The following ADAMTSL1 variants were observed in gnomAD, a reference collection of about 807,000 sequenced individuals.
The protein encoded by ADAMTSL1 is ADAMTS like 1.
ADAMTSL1 carries 126 observed loss-of-function variants against 201.8 expected under a neutral mutation model. That is an observed-to-expected ratio of 0.62 (90% CI 0.54 to 0.72). The LOEUF is 0.72. ADAMTSL1 is among the 30% of genes least tolerant of loss of function. The probability of loss-of-function intolerance (pLI) is 0.00; values close to 1 mark genes in which losing one functional copy is unlikely to be tolerated. For synonymous variants in ADAMTSL1, 1,121 were observed against 903.4 expected (o/e 1.24, Z -4.32); for missense variants, 2,679 against 2,277.8 (o/e 1.18, Z -3.59).
rs557574451 is a variant in ADAMTSL1, at chr9:18,731,579, C to T, written c.2006+9914C>T. Among the ~76,000 whole-genome samples, 102 of 151,888 alleles carry T rather than the reference C, an allele frequency of 6.7e-4. 1 individual carries two copies. The highest frequency in any genetic ancestry group is 2.3e-3 in the African/African-American group (96 of 41,414). Reference sequence around the variant, plus strand: ...TCAGGAGGTCAAGGCTGCAGTGAGCCGTGAGTGCACCATGCAGTCATGCCA... The same window carrying T: ...TCAGGAGGTCAAGGCTGCAGTGAGCTGTGAGTGCACCATGCAGTCATGCCA... On this transcript the variant is annotated intron_variant, in intron 15 of 28. Transcript: ENST00000380548.
At chr9:18,575,859 A>C (rs1280030375) in intron 4 of ADAMTSL1, among the ~76,000 whole-genome samples, 2 of 152,208 alleles carry the variant, frequency 1.3e-5, no homozygotes, top group Non-Finnish European at 2.9e-5. Flanking sequence ...TGCTGAATGA[A>C]CCAAAATAAA....
At chr9:18,106,762 G>A (rs138525220) in intron 1 of ADAMTSL1, among the ~76,000 whole-genome samples, 215 of 152,290 alleles carry the variant, frequency 1.4e-3, no homozygotes, top group African/African-American at 5.0e-3. Flanking sequence ...CAGAACAGCT[G>A]ACAAGTAGCA....
intron 14 of ADAMTSL1, among the ~76,000 whole-genome samples, chr9:18,711,828 T>C (rs1832626326): frequency 6.6e-6 from 1 of 151,874 alleles, no homozygotes; most frequent in Admixed American, 6.6e-5. Flanking sequence ...CAGTAACCTC[T>C]GCAGACTTAA....
chr9:18,516,087 C>CAAAAAAAAAAAAAAAA (rs11418722), intron 2 of ADAMTSL1, among the ~76,000 whole-genome samples: 16 of 131,050 alleles, frequency 1.2e-4, no homozygotes, highest in Non-Finnish European at 2.4e-4. Flanking sequence ...CCTCAACTAC[C>CAAAAAAAAAAAAAAAA]AAAAAAAAAA....
At chr9:18,764,228 G>A (rs376845369) in intron 16 of ADAMTSL1, among the ~76,000 whole-genome samples, 3 of 152,156 alleles carry the variant, frequency 2.0e-5, no homozygotes, top group East Asian at 3.9e-4. Context: ...TTAATTCCTA[G>A]TATTTAAATT....
rs1826078944 is a variant in ADAMTSL1, at chr9:17,916,046, A to G, written c.87+9124A>G. Among the ~76,000 whole-genome samples the G allele has an allele frequency of 5.3e-5, 8 of 152,290 alleles. No individual in the cohort carries two copies. The South Asian group carries it at 1.7e-3, about 32-fold the overall frequency. Reference sequence around the variant, plus strand: ...ACAATTCTCATGCTTCTGCATCCCAAGTAGCAGGGATGACAGGTGCGTGCC... The same window carrying G: ...ACAATTCTCATGCTTCTGCATCCCAGGTAGCAGGGATGACAGGTGCGTGCC... On this transcript the variant is annotated intron_variant, in intron 1 of 29. Transcript: ENST00000680146.
intron 1 of ADAMTSL1, among the ~76,000 whole-genome samples, chr9:18,499,357 G>A (rs1288979054): frequency 3.3e-5 from 5 of 152,224 alleles, no homozygotes; most frequent in African/African-American, 1.2e-4. Flanking sequence ...CTCAGGAGCA[G>A]GGAATCACAA....
intron 2 of ADAMTSL1, among the ~76,000 whole-genome samples, chr9:18,243,716 A>G (rs1313415369): frequency 6.6e-6 from 1 of 151,764 alleles, no homozygotes. Flanking sequence ...ACATTTTTCC[A>G]GTCAAGACTT....
At chr9:18,152,907 C>T (rs185659958) in intron 1 of ADAMTSL1, among the ~76,000 whole-genome samples, 53 of 152,130 alleles carry the variant, frequency 3.5e-4, no homozygotes, top group Non-Finnish European at 4.6e-4. Context: ...ATTAATCCCA[C>T]GGATTGTCAA....
intron 1 of ADAMTSL1, among the ~76,000 whole-genome samples, chr9:18,493,855 T>C (rs1196659441): frequency 6.6e-6 from 1 of 152,222 alleles, no homozygotes; most frequent in East Asian, 1.9e-4. Flanking sequence ...CTTGTGTTAA[T>C]CATTCATTTA....
intron 2 of ADAMTSL1, among the ~76,000 whole-genome samples, chr9:18,445,387 ATCTT>A (rs1820152398): frequency 6.6e-6 from 1 of 152,142 alleles, no homozygotes; most frequent in Non-Finnish European, 1.5e-5. Context: ...ATAAGACAAA[ATCTT>A]TAGAGTTCAC....
chr9:18,903,161 C>T (rs1261521867), intron 26 of ADAMTSL1, among the ~76,000 whole-genome samples: 1 of 152,114 alleles, frequency 6.6e-6, no homozygotes, highest in East Asian at 1.9e-4. Context: ...GCAGAGATCA[C>T]ACCACTGCAT....
At chr9:18,103,846 C>T (rs897309047) in intron 1 of ADAMTSL1, among the ~76,000 whole-genome samples, 2 of 152,084 alleles carry the variant, frequency 1.3e-5, no homozygotes, top group Non-Finnish European at 2.9e-5. Flanking sequence ...AGCACTAGAC[C>T]CATAGGTGGT....
intron 1 of ADAMTSL1, among the ~76,000 whole-genome samples, chr9:18,475,396 C>T (rs977947991): frequency 1.4e-4 from 21 of 152,152 alleles, no homozygotes; most frequent in Non-Finnish European, 1.9e-4. Flanking sequence ...TTGGTACAAA[C>T]TGAAAAAGTC....
At chr9:18,656,139 T>TATC (rs1828643940) in intron 7 of ADAMTSL1, among the ~76,000 whole-genome samples, 1 of 152,054 alleles carries the variant, frequency 6.6e-6, no homozygotes, top group African/African-American at 2.4e-5. Context: ...CATATTCCCA[T>TATC]CTAAACTCCA....
At chr9:18,313,937 A>G (rs1048429649) in intron 2 of ADAMTSL1, among the ~76,000 whole-genome samples, 1 of 152,188 alleles carries the variant, frequency 6.6e-6, no homozygotes. Context: ...ATATCTGATA[A>G]GGGGTTAATA....
chr9:17,922,668 G>T (rs558229551), intron 1 of ADAMTSL1, among the ~76,000 whole-genome samples: 1 of 152,214 alleles, frequency 6.6e-6, no homozygotes, highest in South Asian at 2.1e-4. Flanking sequence ...GAGTTGACTT[G>T]TCCCAGTTTG....
chr9:18,343,642 G>A (rs1310371250), intron 2 of ADAMTSL1, among the ~76,000 whole-genome samples: 2 of 152,084 alleles, frequency 1.3e-5, no homozygotes, highest in Non-Finnish European at 2.9e-5. Context: ...CAAGTAAACG[G>A]TTTGGATAAA....
chr9:18,078,504 C>G (rs1039068080), intron 1 of ADAMTSL1, among the ~76,000 whole-genome samples: 1 of 152,148 alleles, frequency 6.6e-6, no homozygotes, highest in African/African-American at 2.4e-5. Flanking sequence ...CAGGCTCATC[C>G]AGGGTTGTGC....
Sources: gnomAD v4.1 joint callset for allele counts (sites outside exome capture counted in the v4.1 genomes callset) on GRCh38, gnomAD v4.1.1 for gene constraint, MANE v1.5 for transcripts, NCBI Gene and HGNC (gene_info 2026-07-23, HGNC 2026-07-21) for gene names.